Variants in RAD54L2 observed in about 807,000 individuals in gnomAD.
RAD54L2 encodes the protein RAD54 like 2.
RAD54L2 carries 27 observed loss-of-function variants against 138.4 expected under a neutral mutation model. The observed-to-expected ratio is 0.20, with a 90% CI of 0.14 to 0.27. RAD54L2 has a LOEUF of 0.27. Ranked by LOEUF, RAD54L2 falls within the 10% of genes least tolerant of loss-of-function variation. RAD54L2 has a pLI of 1.00. For missense variants in RAD54L2, 1,396 were observed against 1,890.2 expected (o/e 0.74, Z 4.85); for synonymous variants, 644 against 723.2 (o/e 0.89, Z 1.76).
intron 3 of RAD54L2, among the ~76,000 whole-genome samples, chr3:51,618,140 T>A (rs999271988): frequency 6.7e-6 from 1 of 150,364 alleles, no homozygotes; most frequent in African/African-American, 2.4e-5. Context: ...TTGTATTTTT[T>A]TTTTTTTTTT....
chr3:51,548,634 G>A (rs1202264339), intron 2 of RAD54L2, among the ~76,000 whole-genome samples: 3 of 152,130 alleles, frequency 2.0e-5, no homozygotes, highest in East Asian at 1.9e-4. Context: ...GCTGGGAATT[G>A]CTGCCTGTTT....
chr3:51,616,030 G>A (rs1700434917), intron 3 of RAD54L2, among the ~76,000 whole-genome samples: 1 of 151,440 alleles, frequency 6.6e-6, no homozygotes, highest in African/African-American at 2.4e-5. Flanking sequence ...CATATTTGGG[G>A]GGCACACGTG....
chr3:51,604,665 A>G (rs1010272724), intron 3 of RAD54L2, among the ~76,000 whole-genome samples: 3 of 152,336 alleles, frequency 2.0e-5, no homozygotes, highest in African/African-American at 7.2e-5. Context: ...TTATGTTCGC[A>G]AGGTGACTAA....
rs1163967253 is a variant in RAD54L2, at chr3:51,600,721, CT to C, written c.139+10165del. Reference sequence around the variant, plus strand: ...GTGGCTCACGCCTGTAATCTCAGTACTTTGGGAGGCCAAGGCGCATAGATCA... The same window carrying C: ...GTGGCTCACGCCTGTAATCTCAGTACTTGGGAGGCCAAGGCGCATAGATCA... On this transcript the variant is annotated intron_variant, in intron 3 of 22. Coordinates refer to ENST00000684192, the MANE Select transcript of RAD54L2 (RefSeq NM_015106.4). Among the ~76,000 whole-genome samples the C allele has an allele frequency of 9.2e-5, 14 of 152,290 alleles. No homozygotes were observed. The East Asian group carries it at 2.5e-3, about 27-fold the overall frequency.
chr3:51,625,969 A>G (rs920440961), intron 3 of RAD54L2, among the ~76,000 whole-genome samples: 1 of 152,196 alleles, frequency 6.6e-6, no homozygotes, highest in African/African-American at 2.4e-5. Flanking sequence ...GCAACATAGT[A>G]TCCTGGATGG....
In RAD54L2 at chr3:51,665,411, G is replaced by T. The variant is rs577697330; in HGVS notation, c.*1991G>T. The stretch of plus-strand genomic sequence containing the variant: ...TCTGGGGTATTGTCCTCAGAGAAGA[G>T]ACAAGGAGATGATGGATGGGGTGCA... On this transcript the variant is annotated 3_prime_UTR_variant, in exon 23 of 23. Transcript: ENST00000684192. 1 of 152,262 alleles carries T rather than the reference G, an allele frequency of 6.6e-6. No homozygotes were observed. The highest frequency in any genetic ancestry group is 2.1e-4 in the South Asian group (1 of 4,820). 9.4% of individuals were successfully genotyped at this position (152,262 alleles called of 1,614,324 possible). A position where few individuals can be genotyped will look rare whatever the true frequency, so the allele number is the denominator to read the frequency against.
In RAD54L2 at chr3:51,645,865, A is replaced by C. The variant is rs114081341; in HGVS notation, c.2829+102A>C. ...CTTCATCTGAGGTGATGTTTCATGC[A>C]GGTGACTTGGACTCAAGGACTTCTT... On this transcript the variant is annotated intron_variant, in intron 18 of 22. Coordinates refer to ENST00000684192, the MANE Select transcript of RAD54L2 (RefSeq NM_015106.4). The surrounding 1 kb of genome is among the most constrained non-coding windows in gnomAD (Gnocchi z 6.1). 2.6e-3 allele frequency: 3,315 copies of C among 1,274,706 alleles called. 14 individuals are homozygous for C. Among genetic ancestry groups the C allele is most frequent in the Middle Eastern group, 0.016 (57 of 3,598 alleles). 79.0% of individuals were successfully genotyped at this position (1,274,706 alleles called of 1,614,324 possible).
At chr3:51,552,521 CAA>C (rs1297015949) in intron 2 of RAD54L2, among the ~76,000 whole-genome samples, 3 of 150,496 alleles carry the variant, frequency 2.0e-5, no homozygotes, top group Non-Finnish European at 2.9e-5. Context: ...CTCGGCTTCC[CAA>C]AGTGTTGGGA....
At chr3:51,592,166 C>T (rs1007131327) in intron 3 of RAD54L2, among the ~76,000 whole-genome samples, 5 of 138,362 alleles carry the variant, frequency 3.6e-5, no homozygotes, top group East Asian at 2.3e-4. Context: ...CTGGTTCAAG[C>T]GATTCTCCTG....
intron 3 of RAD54L2, among the ~76,000 whole-genome samples, chr3:51,621,633 G>T (rs368431701): frequency 6.6e-5 from 10 of 152,300 alleles, no homozygotes; most frequent in Middle Eastern, 3.4e-3. Flanking sequence ...CTCTGGACTT[G>T]CCCTCTGTTC....
rs769845267 is a variant in RAD54L2, at chr3:51,663,026, G to A, written c.4010G>A (p.Arg1337His). ...CTGTCCAATTTGCTGGCAGATGCCC[G>A]CCTGGTGTTTCCAGTGACTACTGAC... The part of the protein sequence containing the change: ...YQLSNLLADA[R>H]LVFPVTTDPL... The change falls in exon 23 of 23, where the codon CGC becomes CAC. Residue 1337 changes from arginine to histidine, a missense_variant. Arg to His is a conservative substitution (Grantham distance 29). This residue lies in a region of RAD54L2 where 634 missense variants were observed against 711.2 expected (regional missense o/e 0.89). Transcript: ENST00000684192. 4.6e-5 allele frequency: 74 copies of A among 1,613,810 alleles called. No individual in the cohort carries two copies. Among genetic ancestry groups the A allele is most frequent in the East Asian group, 2.0e-4 (9 of 44,882 alleles).
Position 51,637,264 on chromosome 3 carries a change from T to C in RAD54L2, c.1443T>C (p.Asn481=). The C allele has an allele frequency of 6.2e-7, 1 of 1,605,998 alleles. No individual in the cohort carries two copies. Among genetic ancestry groups the C allele is most frequent in the South Asian group, 1.1e-5 (1 of 89,438 alleles). The change falls in exon 11 of 23, where the codon AAT becomes AAC. Residue 481 remains asparagine, a synonymous_variant. Transcript: ENST00000684192. The surrounding 1 kb of genome is among the most constrained non-coding windows in gnomAD (Gnocchi z 5.9). ...CQASTSQALK[N]IRSRRRVVLT... is the part of the protein sequence containing the mutation. Reference sequence around the variant, plus strand: ...CCAGCACCTCACAGGCTCTGAAGAATATCCGCTCTCGCCGCCGGGTGGTGC... The same window carrying C: ...CCAGCACCTCACAGGCTCTGAAGAACATCCGCTCTCGCCGCCGGGTGGTGC...
chr3:51,643,294 A>T (rs1356256265), intron 15 of RAD54L2, among the ~76,000 whole-genome samples: 2 of 152,148 alleles, frequency 1.3e-5, no homozygotes, highest in Non-Finnish European at 2.9e-5. Context: ...TGGCCTCCCA[A>T]ACTGTTGGGA....
intron 3 of RAD54L2, among the ~76,000 whole-genome samples, chr3:51,593,568 G>A (rs1441469583): frequency 6.6e-6 from 1 of 152,038 alleles, no homozygotes; most frequent in Non-Finnish European, 1.5e-5. Flanking sequence ...TCCTGACGTC[G>A]TGATCCGTCC....
At chr3:51,614,539 G>C (rs1700403005) in intron 3 of RAD54L2, among the ~76,000 whole-genome samples, 1 of 150,874 alleles carries the variant, frequency 6.6e-6, no homozygotes, top group Non-Finnish European at 1.5e-5. Flanking sequence ...TTTGAAACAA[G>C]ATCTTGCTCT....
At chr3:51,636,407 G>A (rs999608886) in intron 10 of RAD54L2, among the ~76,000 whole-genome samples, 4 of 152,176 alleles carry the variant, frequency 2.6e-5, no homozygotes, top group African/African-American at 9.7e-5. Context: ...AGCAATGACT[G>A]GAAAATAACT....
At chr3:51,597,452 T>G (rs1158871580) in intron 3 of RAD54L2, among the ~76,000 whole-genome samples, 1 of 152,178 alleles carries the variant, frequency 6.6e-6, no homozygotes, top group Non-Finnish European at 1.5e-5. Flanking sequence ...TTCGGTACTT[T>G]AACTGGTAAG....
rs369522341 is a variant in RAD54L2, at chr3:51,662,880, T to C, written c.3864T>C (p.Tyr1288=). 7 of 1,613,672 alleles carry C rather than the reference T, an allele frequency of 4.3e-6. No homozygotes were observed. In the African/African-American group the frequency reaches 6.7e-5, roughly 15 times the overall value. The change falls in exon 23 of 23, where the codon TAT becomes TAC. Residue 1288 remains tyrosine, a synonymous_variant. Coordinates refer to ENST00000684192, the MANE Select transcript of RAD54L2 (RefSeq NM_015106.4). This position sits in a 1 kb window ranked among gnomAD's most constrained non-coding sequence, Gnocchi z 4.6. The stretch of plus-strand genomic sequence containing the variant: ...CCGTGCAGCCGTATGAACACGGGTA[T>C]CCAGTCTCTGGCGGGTTTGCCATGC... ...PAPVQPYEHG[Y]PVSGGFAMPP...
chr3:51,643,282 C>G (rs765802076), intron 15 of RAD54L2, among the ~76,000 whole-genome samples: 2 of 152,244 alleles, frequency 1.3e-5, no homozygotes, highest in Non-Finnish European at 2.9e-5. Flanking sequence ...ATCTGCACGC[C>G]TTGGCCTCCC....
Sources: gnomAD v4.1 joint callset for allele counts (sites outside exome capture counted in the v4.1 genomes callset) on GRCh38, gnomAD v4.1.1 for gene constraint, gnomAD v4.1.1 regional missense constraint, Gnocchi (gnomAD v3.1) non-coding constraint, MANE v1.5 for transcripts, NCBI Gene and HGNC (gene_info 2026-07-23, HGNC 2026-07-21) for gene names.